Variants in RFX3 observed in about 807,000 individuals in gnomAD.
The protein encoded by RFX3 is regulatory factor X3, also known as transcription factor RFX3.
In RFX3, 14 loss-of-function variants were observed where a neutral mutation model predicts 98.6. That is an observed-to-expected ratio of 0.14 (90% CI 0.09 to 0.22). The LOEUF is 0.22. Ranked by LOEUF, RFX3 falls within the 10% of genes least tolerant of loss-of-function variation. The pLI, the probability that RFX3 is intolerant of heterozygous loss-of-function variation, is 1.00. For synonymous variants in RFX3, 383 were observed against 328.4 expected (o/e 1.17, Z -1.80); for missense variants, 639 against 926.9 (o/e 0.69, Z 4.03).
chr9:3,280,938 A>C (rs977886048), intron 7 of RFX3, among the ~76,000 whole-genome samples: 13 of 151,940 alleles, frequency 8.6e-5, no homozygotes, highest in Non-Finnish European at 1.5e-4. Flanking sequence ...ATTAATTTTT[A>C]ACTTTTCTCA....
chr9:3,381,510 T>C (rs1839192634), intron 2 of RFX3, among the ~76,000 whole-genome samples: 1 of 152,148 alleles, frequency 6.6e-6, no homozygotes, highest in Non-Finnish European at 1.5e-5. Context: ...AACATGTAAA[T>C]CTGTATTATG....
At chr9:3,307,940 C>A (rs939071393) in intron 4 of RFX3, among the ~76,000 whole-genome samples, 2 of 151,970 alleles carry the variant, frequency 1.3e-5, no homozygotes, top group Non-Finnish European at 2.9e-5. Flanking sequence ...CCTTTTTTTA[C>A]TTAATGGTAC....
At chr9:3,457,868 A>G (rs1847334430) in intron 1 of RFX3, among the ~76,000 whole-genome samples, 1 of 152,096 alleles carries the variant, frequency 6.6e-6, no homozygotes, top group African/African-American at 2.4e-5. Context: ...CGCTGTCTTC[A>G]AGGAATCTAG....
At chr9:3,488,502 C>G (rs1044255444) in intron 1 of RFX3, among the ~76,000 whole-genome samples, 1 of 152,106 alleles carries the variant, frequency 6.6e-6, no homozygotes, top group Non-Finnish European at 1.5e-5. Context: ...ACACAGACAA[C>G]TCAAATGGTT....
At chr9:3,406,593 T>TA (rs1275595110) in intron 1 of RFX3, among the ~76,000 whole-genome samples, 2 of 152,120 alleles carry the variant, frequency 1.3e-5, no homozygotes, top group African/African-American at 4.8e-5. Flanking sequence ...GCCCAATATA[T>TA]ACACAGAATC....
At chr9:3,471,857 C>T (rs2133228423) in intron 1 of RFX3, among the ~76,000 whole-genome samples, 1 of 152,330 alleles carries the variant, frequency 6.6e-6, no homozygotes, top group Non-Finnish European at 1.5e-5. Context: ...AATCTTTCTA[C>T]CAAATGCACT....
intron 1 of RFX3, among the ~76,000 whole-genome samples, chr9:3,505,268 A>ATATATGAATATATATTTATATG (rs1816877479): frequency 1.3e-5 from 1 of 75,466 alleles, no homozygotes; most frequent in African/African-American, 8.5e-5. Flanking sequence ...ATATTTATAT[A>ATATATGAATATATATTTATATG]TATATGAATA....
At chr9:3,459,710 A>C (rs1457189021) in intron 1 of RFX3, among the ~76,000 whole-genome samples, 1 of 151,850 alleles carries the variant, frequency 6.6e-6, no homozygotes, top group African/African-American at 2.4e-5. Context: ...TTTCATGGGG[A>C]TTCTTTTCCT....
At chr9:3,414,710 GTATATATGTATATATGAGTATATATGTA>G (rs1842770628) in intron 1 of RFX3, among the ~76,000 whole-genome samples, 1 of 124,482 alleles carries the variant, frequency 8.0e-6, no homozygotes, top group South Asian at 2.4e-4. Context: ...GTATATATGA[GTATATATGTATATATGAGTATATATGTA>G]TATATGAGTA....
At chr9:3,378,729 T>C (rs1167220774) in intron 2 of RFX3, among the ~76,000 whole-genome samples, 2 of 151,838 alleles carry the variant, frequency 1.3e-5, no homozygotes, top group African/African-American at 4.8e-5. Context: ...TCTAATTTTG[T>C]GTTTTGAGTA....
At chr9:3,270,615 T>C (rs917079363) in intron 10 of RFX3, 90 bp from the exon 11 acceptor site, 18 of 1,297,000 alleles carry the variant, frequency 1.4e-5, no homozygotes, top group Admixed American at 5.6e-5. Context: ...TTACCAAATA[T>C]TACTGAGGTT....
intron 1 of RFX3, among the ~76,000 whole-genome samples, chr9:3,501,217 T>A (rs1018128790): frequency 3.3e-5 from 5 of 152,150 alleles, no homozygotes; most frequent in African/African-American, 1.2e-4. Context: ...TTACCCACCT[T>A]CCTAAAAGAA....
chr9:3,509,533 A>G (rs934515863), intron 1 of RFX3, among the ~76,000 whole-genome samples: 1 of 151,978 alleles, frequency 6.6e-6, no homozygotes, highest in Non-Finnish European at 1.5e-5. Context: ...TTTCTTTTTA[A>G]AAAACCTAGT....
At chr9:3,467,204 T>TATATACATATATAA (rs1848369952) in intron 1 of RFX3, among the ~76,000 whole-genome samples, 1 of 144,064 alleles carries the variant, frequency 6.9e-6, no homozygotes, top group Admixed American at 7.0e-5. Flanking sequence ...ATAATGTATG[T>TATATACATATATAA]GTATATACAT....
intron 2 of RFX3, among the ~76,000 whole-genome samples, chr9:3,358,981 G>A (rs1836097212): frequency 1.3e-5 from 2 of 151,806 alleles, no homozygotes; most frequent in South Asian, 4.2e-4. Flanking sequence ...TCCCACCCTT[G>A]ACACATGGGG....
chr9:3,363,667 T>C (rs1836724326), intron 2 of RFX3, among the ~76,000 whole-genome samples: 1 of 152,184 alleles, frequency 6.6e-6, no homozygotes, highest in Non-Finnish European at 1.5e-5. Context: ...ATGGTAGGCA[T>C]TTTTATCTCC....
chr9:3,525,547 G>T, intron 1 of RFX3, among the ~76,000 whole-genome samples, 200 bp downstream of exon 1: 1 of 151,828 alleles, frequency 6.6e-6, no homozygotes. Flanking sequence ...ACCCAGCCGC[G>T]GCGCGCAGGG....
chr9:3,323,961 G>A (rs764322331), intron 4 of RFX3: 1 of 407,874 alleles, frequency 2.5e-6, no homozygotes, highest in South Asian at 1.9e-5. Flanking sequence ...GAGACTACAA[G>A]TCATTCAAAG....
chr9:3,324,985 A>C (rs1587072355), intron 4 of RFX3, among the ~76,000 whole-genome samples: 1 of 152,176 alleles, frequency 6.6e-6, no homozygotes, highest in East Asian at 1.9e-4. Context: ...AAAATCAATA[A>C]ATAAAAAAAT....
Sources: gnomAD v4.1 joint callset for allele counts (sites outside exome capture counted in the v4.1 genomes callset) on GRCh38, gnomAD v4.1.1 for gene constraint, MANE v1.5 for transcripts, NCBI Gene and HGNC (gene_info 2026-07-23, HGNC 2026-07-21) for gene names.